The following FAT3 variants were observed in gnomAD, a reference collection of about 807,000 sequenced individuals.
The protein encoded by FAT3 is FAT atypical cadherin 3.
FAT3 carries 95 observed loss-of-function variants against 310.2 expected under a neutral mutation model. That is an observed-to-expected ratio of 0.31 (90% CI 0.26 to 0.36). FAT3 has a LOEUF of 0.36. Among genes scored for constraint, FAT3 ranks in the 10% least tolerant of loss-of-function variants. The pLI is 1.00. For missense variants in FAT3, 5,408 were observed against 5,715.6 expected (o/e 0.95, Z 1.74); for synonymous variants, 2,314 against 2,192.9 (o/e 1.06, Z -1.54).
In FAT3 at chr11:92,801,705, C is replaced by G. The variant is rs1019920427; in HGVS notation, c.8692C>G (p.Leu2898Val). ...TFTFSVVASD[L>V]GEAFSLSSTA... ...CACCTTCTCTGTGGTGGCCTCTGAC[C>G]TTGGAGAGGCATTCTCTCTTTCCTC... The change falls in exon 10 of 28, where the codon CTT becomes GTT. Residue 2898 changes from leucine (L) to valine (V), a missense_variant. Leu to Val is a conservative substitution (Grantham distance 32). This residue lies in a region of FAT3 where 4,588 missense variants were observed against 4,809.8 expected (regional missense o/e 0.95). Coordinates refer to ENST00000525166, the MANE Select transcript of FAT3 (RefSeq NM_001367949.2). The G allele has an allele frequency of 6.2e-7, 1 of 1,613,906 alleles. No homozygotes were observed. The highest frequency in any genetic ancestry group is 8.5e-7 in the Non-Finnish European group (1 of 1,179,852).
Position 92,859,212 on chromosome 11 carries a change from C to A in FAT3, c.11548C>A (p.Leu3850Ile). Residue 3850 changes from leucine (L) to isoleucine (I), a missense_variant, in exon 21 of 28, where the codon CTT becomes ATT. Coordinates refer to ENST00000525166, the MANE Select transcript of FAT3 (RefSeq NM_001367949.2). ...FAGNSYIKYR[L>I]SENSKEEDFK... ...TGGAAACAGTTACATCAAATATCGG[C>A]TTTCTGAAAATAGCAAAGAAGAGGA... 1 of 1,613,864 alleles carries A rather than the reference C, an allele frequency of 6.2e-7. No individual in the cohort carries two copies. Among genetic ancestry groups the A allele is most frequent in the Non-Finnish European group, 8.5e-7 (1 of 1,179,862 alleles).
rs536574575 is a variant in FAT3, at chr11:92,699,694, T to A, written c.3669+2249T>A. Reference sequence around the variant, plus strand: ...AATTTGGGTTTTCACATTAGGGATATTCAACTTGTATCTGGTATCATCTGC... The same window carrying A: ...AATTTGGGTTTTCACATTAGGGATAATCAACTTGTATCTGGTATCATCTGC... On this transcript the variant is annotated intron_variant, in intron 4 of 27. Transcript: ENST00000525166. 1.3e-4 allele frequency among the ~76,000 whole-genome samples: 20 copies of A among 152,354 alleles called. No homozygotes were observed. The East Asian group carries it at 3.7e-3, about 28-fold the overall frequency.
chr11:92,637,320 G>A (rs1941800380), intron 3 of FAT3, among the ~76,000 whole-genome samples: 1 of 152,178 alleles, frequency 6.6e-6, no homozygotes, highest in Admixed American at 6.5e-5. Flanking sequence ...CAGGTGTCTA[G>A]CCCTATTGTC....
chr11:92,330,815 TTGGA>T (rs1484548849), intron 1 of FAT3, among the ~76,000 whole-genome samples: 2 of 152,186 alleles, frequency 1.3e-5, no homozygotes, highest in Non-Finnish European at 1.5e-5. Context: ...TATTAGCACT[TTGGA>T]AGGAAAGGCT....
chr11:92,559,213 A>C (rs530483), intron 3 of FAT3, among the ~76,000 whole-genome samples: 22,838 of 151,944 alleles, frequency 0.15, 1,898 homozygotes, highest in East Asian at 0.29. Context: ...AATGGTTTTT[A>C]GATATATTCA....
rs185776621 is a variant in FAT3 at position 92,276,091 on chromosome 11, C to A, written c.-18+50917C>A. Reference sequence around the variant, plus strand: ...ATACTTTTTCTGCCAAATTGTAGTTCTTTGTGCTTGAATTTGCATGGGCAA... The same window carrying A: ...ATACTTTTTCTGCCAAATTGTAGTTATTTGTGCTTGAATTTGCATGGGCAA... On this transcript the variant is annotated intron_variant, in intron 1 of 27. Transcript: ENST00000525166. Among the ~76,000 whole-genome samples, 3 of 152,284 alleles carry A rather than the reference C, an allele frequency of 2.0e-5. No homozygotes were observed. In the East Asian group the frequency reaches 5.8e-4, roughly 29 times the overall value.
chr11:92,327,588 G>C (rs145000010), intron 1 of FAT3, among the ~76,000 whole-genome samples: 97 of 152,296 alleles, frequency 6.4e-4, no homozygotes, highest in African/African-American at 2.1e-3. Context: ...ATAAGACAGT[G>C]GATTAAATGT....
At chr11:92,507,939 C>T (rs1953171582) in intron 2 of FAT3, among the ~76,000 whole-genome samples, 1 of 151,944 alleles carries the variant, frequency 6.6e-6, no homozygotes, top group South Asian at 2.1e-4. Flanking sequence ...GTGATTGTGT[C>T]AACACTGGTC....
intron 2 of FAT3, chr11:92,366,612 A>G (rs1376993280): frequency 5.7e-6 from 3 of 530,484 alleles, no homozygotes; most frequent in Non-Finnish European, 7.7e-6. Context: ...GACAATGGGA[A>G]TAACCAGTTG....
chr11:92,388,076 G>A (rs481643), intron 2 of FAT3, among the ~76,000 whole-genome samples: 27,408 of 152,144 alleles, frequency 0.18, 2,565 homozygotes, highest in African/African-American at 0.23. Flanking sequence ...TAGAAGCAGA[G>A]AAAAGTAGAT....
intron 3 of FAT3, among the ~76,000 whole-genome samples, chr11:92,695,018 C>T (rs887731260): frequency 2.0e-5 from 3 of 152,146 alleles, no homozygotes; most frequent in African/African-American, 4.8e-5. Context: ...TGACTCAGAG[C>T]GATGTGCTGC....
At chr11:92,881,883 A>G (rs566642753) in intron 23 of FAT3, among the ~76,000 whole-genome samples, 1 of 152,306 alleles carries the variant, frequency 6.6e-6, no homozygotes, top group African/African-American at 2.4e-5. Context: ...TCTTCCTGAA[A>G]ATCTACATGA....
intron 4 of FAT3, among the ~76,000 whole-genome samples, chr11:92,706,144 G>A (rs1299662710): frequency 3.3e-5 from 5 of 150,520 alleles, no homozygotes; most frequent in Non-Finnish European, 5.9e-5. Context: ...TGGGAGTGAG[G>A]TTTACTATTC....
intron 3 of FAT3, among the ~76,000 whole-genome samples, chr11:92,686,812 T>C (rs530002138): frequency 6.6e-6 from 1 of 152,326 alleles, no homozygotes; most frequent in Non-Finnish European, 1.5e-5. Context: ...TTTTCAAGAC[T>C]TTGCACATTC....
At chr11:92,714,319 C>G (rs1328455103) in intron 4 of FAT3, among the ~76,000 whole-genome samples, 2 of 152,064 alleles carry the variant, frequency 1.3e-5, no homozygotes, top group East Asian at 1.9e-4. Context: ...AGTGCAATGA[C>G]CCATGTAAGA....
At chr11:92,808,200 A>G (rs892793266) in intron 12 of FAT3, among the ~76,000 whole-genome samples, 1 of 152,240 alleles carries the variant, frequency 6.6e-6, no homozygotes, top group Non-Finnish European at 1.5e-5. Flanking sequence ...CCCAGGGGAT[A>G]TTGTAATCCA....
chr11:92,293,190 G>A (rs1397409049), intron 1 of FAT3, among the ~76,000 whole-genome samples: 1 of 151,502 alleles, frequency 6.6e-6, no homozygotes, highest in Admixed American at 6.6e-5. Context: ...AGCCTTTTTG[G>A]TTTCCTATAA....
At chr11:92,604,055 A>G (rs921937220) in intron 3 of FAT3, among the ~76,000 whole-genome samples, 2 of 152,194 alleles carry the variant, frequency 1.3e-5, no homozygotes, top group Non-Finnish European at 2.9e-5. Flanking sequence ...AATGGATGTC[A>G]CATGCATATT....
At chr11:92,230,049 G>A (rs943925088) in intron 1 of FAT3, among the ~76,000 whole-genome samples, 8 of 152,102 alleles carry the variant, frequency 5.3e-5, no homozygotes, top group African/African-American at 1.9e-4. Flanking sequence ...GGGCGGAAAA[G>A]TCATACAGAG....
Sources: allele counts gnomAD v4.1 joint callset (sites outside exome capture counted in the v4.1 genomes callset), GRCh38; gene constraint gnomAD v4.1.1; regional missense constraint gnomAD v4.1.1; transcripts MANE v1.5; gene names NCBI Gene and HGNC (gene_info 2026-07-23, HGNC 2026-07-21).